Variants in ATAD3C observed in about 807,000 individuals in gnomAD.
ATAD3C encodes the protein ATPase family AAA domain-containing protein 3C.
In ATAD3C, 38 loss-of-function variants were observed where a neutral mutation model predicts 46.3. That is an observed-to-expected ratio of 0.82 (90% CI 0.63 to 1.08). The LOEUF (loss-of-function observed/expected upper bound fraction) is 1.08, where lower values mean the gene tolerates loss of function less well. ATAD3C is among the 50% of genes least tolerant of loss of function. The pLI is 0.00. For synonymous variants in ATAD3C, 220 were observed against 236.4 expected, an observed-to-expected ratio of 0.93 and a Z score of 0.63; for missense variants, 563 against 572.7, an observed-to-expected ratio of 0.98 and a Z score of 0.17.
intron 10 of ATAD3C, 27 bp downstream of exon 10, chr1:1,460,944 G>A (rs768840863): frequency 1.7e-5 from 27 of 1,583,172 alleles, no homozygotes; most frequent in Middle Eastern, 1.7e-4. Context: ...ACCAGCCCCC[G>A]TCCAGGGGCC....
In ATAD3C at chr1:1,462,638, G is replaced by A. The variant is rs1308456749; in HGVS notation, c.1019G>A (p.Cys340Tyr). 3.7e-6 allele frequency: 6 copies of A among 1,606,208 alleles called. No individual in the cohort carries two copies. Among genetic ancestry groups the A allele is most frequent in the Admixed American group, 3.4e-5 (2 of 58,728 alleles). ...GCCCAGTTTGACTACGGGAGGAAGT[G>A]CTTAGAGATCGCTCGGCTGACAGAG... is the stretch of plus-strand genomic sequence containing the variant. ...KLAQFDYGRK[C>Y]LEIARLTEGM... Residue 340 changes from cysteine (C) to tyrosine (Y), a missense_variant, in exon 11 of 12, where the codon TGC (cysteine) becomes TAC (tyrosine). Cys to Tyr is a radical substitution (Grantham distance 194). Around this residue, in one of 3 missense-constraint regions of ATAD3C, gnomAD observed 273 missense variants for 253.5 expected, o/e 1.08. Coordinates refer to ENST00000378785, the MANE Select transcript of ATAD3C (RefSeq NM_001039211.3). The surrounding 1 kb of genome is among the most constrained non-coding windows in gnomAD (Gnocchi z 4.5).
Position 1,460,910 on chromosome 1 carries a change from G to C in ATAD3C, c.973G>C (p.Gly325Arg). The change falls in exon 10 of 12, where the codon GGA (glycine) becomes CGA (arginine). Residue 325 changes from glycine (G) to arginine (R), a missense_variant. Physicochemically the swap from Gly to Arg is moderately radical, Grantham distance 125. Transcript: ENST00000378785. Reference sequence around the variant, plus strand: ...GTATGTTCTTAAGCCGGCCACAGAAGGAAAGCGGTAAGTGTCCCGCCCCAC... The same window carrying C: ...GTATGTTCTTAAGCCGGCCACAGAACGAAAGCGGTAAGTGTCCCGCCCCAC... Reference protein sequence around the residue: ...NEYVLKPATEGKRRLKLAQFD... With the variant: ...NEYVLKPATERKRRLKLAQFD... 1 of 1,607,680 alleles carries C rather than the reference G, an allele frequency of 6.2e-7. No individual in the cohort carries two copies.
At chr1:1,451,896 G>A (rs769047453) in intron 1 of ATAD3C, 150 bp from the exon 2 acceptor site, 89 of 1,331,094 alleles carry the variant, frequency 6.7e-5, no homozygotes, top group Non-Finnish European at 8.4e-5. Flanking sequence ...GATGTCACCC[G>A]TGTCTGTGTC....
chr1:1,468,495 A>C lies in ATAD3C; in HGVS notation c.1201A>C (p.Arg401=), dbSNP rs780771656. Residue 401 remains arginine, a synonymous_variant, in exon 12 of 12, where the codon AGG becomes CGG. Coordinates refer to ENST00000378785, the MANE Select transcript of ATAD3C (RefSeq NM_001039211.3). The part of the protein sequence containing the change: ...QQMMRWLKGE[R]PGPEDEQPSS Reference sequence around the variant, plus strand: ...GATGATGCGCTGGCTGAAGGGGGAGAGGCCTGGGCCCGAGGACGAGCAACC... The same window carrying C: ...GATGATGCGCTGGCTGAAGGGGGAGCGGCCTGGGCCCGAGGACGAGCAACC... 9 of 1,610,992 alleles carry C rather than the reference A, an allele frequency of 5.6e-6. No homozygotes were observed. The African/African-American group carries it at 8.0e-5, about 14-fold the overall frequency.
Position 1,450,695 on chromosome 1 carries a change from CG to C in ATAD3C, c.13del (p.Ala5ProfsTer2). On this transcript the variant is annotated frameshift_variant, in exon 1 of 12. Coordinates refer to ENST00000378785, the MANE Select transcript of ATAD3C (RefSeq NM_001039211.3). LOFTEE classifies it high-confidence loss of function. MSKD[A>X]LNLAQMQEQT... ...TGCATCTGCAGGCCATGTCAAAGGA[CG>C]CCCTGAATCTGGCGCAGATGCAGGA... is the stretch of plus-strand genomic sequence containing the variant. The C allele has an allele frequency of 6.2e-7, 1 of 1,612,878 alleles. No individual in the cohort carries two copies. Among genetic ancestry groups the C allele is most frequent in the Non-Finnish European group, 8.5e-7 (1 of 1,179,368 alleles).
rs1639203005 is a variant in ATAD3C, at chr1:1,469,320, T to G, written c.*790T>G. The G allele has an allele frequency of 6.8e-6, 1 of 146,990 alleles. No homozygotes were observed. Among genetic ancestry groups the G allele is most frequent in the Non-Finnish European group, 1.5e-5 (1 of 67,060 alleles). 9.1% of individuals were successfully genotyped at this position (146,990 alleles called of 1,614,324 possible). A position where few individuals can be genotyped will look rare whatever the true frequency, so the allele number is the denominator to read the frequency against. On this transcript the variant is annotated 3_prime_UTR_variant, in exon 12 of 12. Coordinates refer to ENST00000378785, the MANE Select transcript of ATAD3C (RefSeq NM_001039211.3). ...AAAAAAAAAAGGGCCAGGTGGCACA[T>G]GCCGGTGGTCCCAGCTTCTTGGCTT...
chr1:1,461,562 T>A (rs1442942811), intron 10 of ATAD3C, among the ~76,000 whole-genome samples: 4 of 151,890 alleles, frequency 2.6e-5, no homozygotes, highest in African/African-American at 9.7e-5. Flanking sequence ...ACCCTGGCAG[T>A]GAGGGGAGGT....
At chr1:1,467,869 GC>G (rs1639169737) in intron 11 of ATAD3C, among the ~76,000 whole-genome samples, 1 of 152,202 alleles carries the variant, frequency 6.6e-6, no homozygotes, top group South Asian at 2.1e-4. Flanking sequence ...AGCAGCTCCA[GC>G]CTTCACATGC....
At position 1,468,563 on chromosome 1, in the gene ATAD3C, G is replaced by A. The variant is rs1361631608; in HGVS notation, c.*33G>A. ...GGGAGACCACACCTCACGGAGCCTG[G>A]CCGCGGACCCCTCCCACCCCTGCCT... On this transcript the variant is annotated 3_prime_UTR_variant, in exon 12 of 12. Coordinates refer to ENST00000378785, the MANE Select transcript of ATAD3C (RefSeq NM_001039211.3). The A allele has an allele frequency of 1.9e-6, 3 of 1,588,090 alleles. No homozygotes were observed. Among genetic ancestry groups the A allele is most frequent in the Non-Finnish European group, 8.6e-7 (1 of 1,166,926 alleles).
intron 3 of ATAD3C, 36 bp downstream of exon 3, chr1:1,452,470 T>C: frequency 6.2e-7 from 1 of 1,613,140 alleles, no homozygotes; most frequent in Non-Finnish European, 8.5e-7. Context: ...GGCAGGTGGC[T>C]GAGGGGCAGC....
intron 11 of ATAD3C, among the ~76,000 whole-genome samples, chr1:1,464,317 C>T (rs907665374): frequency 4.0e-5 from 6 of 151,816 alleles, no homozygotes; most frequent in African/African-American, 1.5e-4. Context: ...AGGGTGCCAG[C>T]TCGGTCCCTC....
At position 1,459,262 on chromosome 1, in the gene ATAD3C, G is replaced by A. The variant is rs775924265; in HGVS notation, c.812+31G>A. On this transcript the variant is annotated intron_variant, in intron 9 of 11. Coordinates refer to ENST00000378785, the MANE Select transcript of ATAD3C (RefSeq NM_001039211.3). The surrounding 1 kb of genome is among the most constrained non-coding windows in gnomAD (Gnocchi z 4.9). ...GGAGCCCCTCGGGTCCTGGGCCCCCGGGCAGGGCTGTGCAGCCGTCACCCT... is the reference window on the plus strand; with the variant it reads ...GGAGCCCCTCGGGTCCTGGGCCCCCAGGCAGGGCTGTGCAGCCGTCACCCT... 2.5e-5 allele frequency: 40 copies of A among 1,609,022 alleles called. No individual in the cohort carries two copies. Among genetic ancestry groups the A allele is most frequent in the Middle Eastern group, 1.9e-4 (1 of 5,390 alleles).
chr1:1,460,439 G>A (rs1022492790), intron 9 of ATAD3C, among the ~76,000 whole-genome samples: 1 of 151,970 alleles, frequency 6.6e-6, no homozygotes, highest in Non-Finnish European at 1.5e-5. Flanking sequence ...CCAGCACAGC[G>A]GGGCTCAGGT....
At position 1,464,267 on chromosome 1, in the gene ATAD3C, C is replaced by T. The variant is rs980396505; in HGVS notation, c.1089+1559C>T. On this transcript the variant is annotated intron_variant, in intron 11 of 11. Transcript: ENST00000378785. Reference sequence around the variant, plus strand: ...GCTGGGCCTGCCATAACCACTGGGGCGTGTGTGCCCACAGCTCTGAAGGCT... The same window carrying T: ...GCTGGGCCTGCCATAACCACTGGGGTGTGTGTGCCCACAGCTCTGAAGGCT... Among the ~76,000 whole-genome samples, 13 of 151,108 alleles carry T rather than the reference C, an allele frequency of 8.6e-5. 1 individual carries two copies. Among genetic ancestry groups the T allele is most frequent in the Admixed American group, 2.0e-4 (3 of 15,110 alleles).
chr1:1,466,161 G>T (rs1639138922), intron 11 of ATAD3C, among the ~76,000 whole-genome samples: 1 of 149,816 alleles, frequency 6.7e-6, no homozygotes, highest in Non-Finnish European at 1.5e-5. Flanking sequence ...AGAATCGCAT[G>T]AATGCGGCAA....
At chr1:1,451,285 C>G (rs1638855001) in intron 1 of ATAD3C, among the ~76,000 whole-genome samples, 1 of 151,940 alleles carries the variant, frequency 6.6e-6, no homozygotes, top group African/African-American at 2.4e-5. Context: ...CTCCGCCTGC[C>G]TCAGCCTCCC....
Position 1,460,853 on chromosome 1 carries a change from CG to C in ATAD3C, c.919del (p.Ala307ArgfsTer4). 1 of 1,613,082 alleles carries C rather than the reference CG, an allele frequency of 6.2e-7. No homozygotes were observed. The highest frequency in any genetic ancestry group is 1.1e-5 in the South Asian group (1 of 90,954). On this transcript the variant is annotated frameshift_variant, in exon 10 of 12. Transcript: ENST00000378785. LOFTEE classifies it high-confidence loss of function. ...VHFDLPGQEE[R>X]ARLVRMYLNE... ...CTTCGACCTGCCAGGGCAGGAGGAG[CG>C]GGCGCGCCTGGTGAGAATGTATCTT...
chr1:1,467,632 C>T lies in ATAD3C; in HGVS notation c.1090-752C>T, dbSNP rs539102765. Among the ~76,000 whole-genome samples, 828 of 152,182 alleles carry T rather than the reference C, an allele frequency of 5.4e-3. 13 individuals carry two copies. The highest frequency in any genetic ancestry group is 0.018 in the African/African-American group (752 of 41,548). On this transcript the variant is annotated intron_variant, in intron 11 of 11. Coordinates refer to ENST00000378785, the MANE Select transcript of ATAD3C (RefSeq NM_001039211.3). ...CATAGCTGGGATGGGGCTAGGGACC[C>T]GCTCAGCTGTCCGGGAAGGGTCCCC...
At chr1:1,468,111 C>G (rs1461504641) in intron 11 of ATAD3C, among the ~76,000 whole-genome samples, 4 of 152,162 alleles carry the variant, frequency 2.6e-5, no homozygotes, top group Non-Finnish European at 4.4e-5. Context: ...TGCCCTGGGT[C>G]GGCCGTCAGT....
Sources: allele counts gnomAD v4.1 joint callset (sites outside exome capture counted in the v4.1 genomes callset), GRCh38; gene constraint gnomAD v4.1.1; regional missense constraint gnomAD v4.1.1; non-coding constraint Gnocchi (gnomAD v3.1); transcripts MANE v1.5; gene names NCBI Gene and HGNC (gene_info 2026-07-23, HGNC 2026-07-21).